The following RAB43 variants were observed in gnomAD, a reference collection of about 807,000 sequenced individuals.
The protein encoded by RAB43 is RAB43, member RAS oncogene family.
In RAB43, 6 loss-of-function variants were observed where a neutral mutation model predicts 18.8. The ratio of observed to expected loss-of-function variants is 0.32; its 90% CI spans 0.17 to 0.63. The LOEUF (loss-of-function observed/expected upper bound fraction) is 0.63. RAB43 is among the 30% of genes least tolerant of loss of function. The probability of loss-of-function intolerance (pLI) is 0.79; values close to 1 mark genes in which losing one functional copy is unlikely to be tolerated. For missense variants in RAB43, 195 were observed against 289.1 expected, an observed-to-expected ratio of 0.67 and a Z score of 2.36; for synonymous variants, 103 against 124.1, an observed-to-expected ratio of 0.83 and a Z score of 1.13.
intron 1 of RAB43, among the ~76,000 whole-genome samples, chr3:129,109,658 C>A (rs897860578): frequency 1.3e-5 from 2 of 149,686 alleles, no homozygotes; most frequent in African/African-American, 4.9e-5. Context: ...AGGAAAAGTG[C>A]TTGAACCTGG....
At chr3:129,094,505 CTTTTTTTTTT>C (rs200896936) in intron 2 of RAB43, among the ~76,000 whole-genome samples, 40 of 69,150 alleles carry the variant, frequency 5.8e-4, no homozygotes, top group African/African-American at 1.5e-3. Context: ...ATATAACTTT[CTTTTTTTTTT>C]TTTTTTTTTT....
chr3:129,098,127 G>C (rs1421261485), intron 1 of RAB43, among the ~76,000 whole-genome samples: 1 of 152,178 alleles, frequency 6.6e-6, no homozygotes, highest in Non-Finnish European at 1.5e-5. Flanking sequence ...AGGAGTGCTA[G>C]GGGATGCTGA....
At chr3:129,094,934 C>T (rs1209372752) in intron 2 of RAB43, 52 bp downstream of exon 2, 34 of 1,574,932 alleles carry the variant, frequency 2.2e-5, no homozygotes, top group Non-Finnish European at 2.9e-5. Flanking sequence ...CAGAGGGAGG[C>T]ATGGACAGGC....
intron 1 of RAB43, among the ~76,000 whole-genome samples, chr3:129,116,481 A>T (rs1935535079): frequency 6.6e-6 from 1 of 152,250 alleles, no homozygotes; most frequent in Non-Finnish European, 1.5e-5. Context: ...TCCAAATAGG[A>T]AAAGAACAGA....
chr3:129,113,630 C>T (rs142389452), intron 1 of RAB43, among the ~76,000 whole-genome samples: 6 of 152,226 alleles, frequency 3.9e-5, no homozygotes, highest in South Asian at 4.1e-4. Flanking sequence ...GGGAGATTTG[C>T]GAGGCAAACT....
chr3:129,111,016 G>C (rs890932937), intron 1 of RAB43, among the ~76,000 whole-genome samples: 4 of 151,892 alleles, frequency 2.6e-5, no homozygotes, highest in Admixed American at 2.6e-4. Flanking sequence ...CAAATGCACA[G>C]CAAACTGGCC....
chr3:129,106,242 A>C (rs918866207), intron 1 of RAB43, among the ~76,000 whole-genome samples: 1 of 152,236 alleles, frequency 6.6e-6, no homozygotes, highest in Non-Finnish European at 1.5e-5. Flanking sequence ...CGAAGCAGGC[A>C]GTGGAAAGTT....
intron 1 of RAB43, among the ~76,000 whole-genome samples, chr3:129,119,852 C>T (rs1576854191): frequency 6.6e-6 from 1 of 152,270 alleles, no homozygotes; most frequent in South Asian, 2.1e-4. Context: ...AGACACAGAC[C>T]GATAGCACAT....
intron 1 of RAB43, among the ~76,000 whole-genome samples, chr3:129,106,714 T>C (rs889767514): frequency 6.6e-6 from 1 of 152,026 alleles, no homozygotes; most frequent in South Asian, 2.1e-4. Context: ...GGGGCACAAA[T>C]TCTCCTCTGC....
chr3:129,104,033 A>G (rs1193024742), intron 1 of RAB43, among the ~76,000 whole-genome samples: 6 of 152,218 alleles, frequency 3.9e-5, no homozygotes, highest in Non-Finnish European at 8.8e-5. Flanking sequence ...GCATCAGGCT[A>G]GTTTTCTGCA....
intron 2 of RAB43, among the ~76,000 whole-genome samples, chr3:129,094,741 T>C (rs1305582680): frequency 6.6e-6 from 1 of 151,906 alleles, no homozygotes; most frequent in Admixed American, 6.6e-5. Context: ...ATGATCTCGA[T>C]CTCCTGACCT....
intron 1 of RAB43, among the ~76,000 whole-genome samples, chr3:129,104,563 A>T (rs2108004856): frequency 6.6e-6 from 1 of 152,292 alleles, no homozygotes; most frequent in Middle Eastern, 3.4e-3. Flanking sequence ...CCCACTCAGC[A>T]AGGGTTGGCA....
rs561546639 is a variant in RAB43 at position 129,111,108 on chromosome 3, T to C, written c.204+10178A>G. ...GTAGGGGACTCCTCGAATTCCTAGG[T>C]GGTCTCCTTTTTTCACTTCACATGC... is the stretch of plus-strand genomic sequence containing the variant. On this transcript the variant is annotated intron_variant, in intron 1 of 2. Transcript: ENST00000315150. Among the ~76,000 whole-genome samples the C allele has an allele frequency of 2.6e-5, 4 of 152,130 alleles. No homozygotes were observed. In the South Asian group the frequency reaches 8.3e-4, roughly 32 times the overall value.
chr3:129,107,872 C>G lies in RAB43; in HGVS notation c.205-12703G>C, dbSNP rs992751840. Among the ~76,000 whole-genome samples, 11 of 152,172 alleles carry G rather than the reference C, an allele frequency of 7.2e-5. No individual in the cohort carries two copies. The highest frequency in any genetic ancestry group is 1.3e-4 in the Non-Finnish European group (9 of 68,020). Reference sequence around the variant, plus strand: ...AGACTGGCCTCACGAGTCCCTCACCCTCACCCTCCAAGCCACTCGGTCACC... The same window carrying G: ...AGACTGGCCTCACGAGTCCCTCACCGTCACCCTCCAAGCCACTCGGTCACC... On this transcript the variant is annotated intron_variant, in intron 1 of 2. Transcript: ENST00000315150. The surrounding 1 kb of genome is among the most constrained non-coding windows in gnomAD (Gnocchi z 4.2).
intron 1 of RAB43, among the ~76,000 whole-genome samples, chr3:129,097,906 G>A (rs1034323099): frequency 6.6e-6 from 1 of 152,092 alleles, no homozygotes; most frequent in Admixed American, 6.6e-5. Context: ...CACTCTACCT[G>A]GGAGTTTCCT....
At chr3:129,116,948 G>A (rs991579764) in intron 1 of RAB43, among the ~76,000 whole-genome samples, 10 of 143,772 alleles carry the variant, frequency 7.0e-5, no homozygotes, top group Non-Finnish European at 1.2e-4. Flanking sequence ...ACTGAGGTGG[G>A]GAGGAGGGAG....
rs1229646153 is a variant in RAB43, at chr3:129,107,435, G to A, written c.205-12266C>T. 6.6e-6 allele frequency among the ~76,000 whole-genome samples: 1 copy of A among 152,038 alleles called. No individual in the cohort carries two copies. Among genetic ancestry groups the A allele is most frequent in the African/African-American group, 2.4e-5 (1 of 41,386 alleles). On this transcript the variant is annotated intron_variant, in intron 1 of 2. Coordinates refer to ENST00000315150, the MANE Select transcript of RAB43 (RefSeq NM_198490.3). The surrounding 1 kb of genome is among the most constrained non-coding windows in gnomAD (Gnocchi z 4.2). ...CTTCCGGGTATTCCTCTTCCTCGCA[G>A]GAAGCTAAGGGCATCCACGACCAGC...
chr3:129,121,548 C>A lies in RAB43; in HGVS notation c.-59G>T. On this transcript the variant is annotated 5_prime_UTR_variant, in exon 1 of 3. Transcript: ENST00000315150. ...ACGCTGGGACCGGCCTGAGCTCACG[C>A]AAGCCGCGGGCCGAGCTCCGCCCGC... is the stretch of plus-strand genomic sequence containing the variant. The A allele has an allele frequency of 1.4e-6, 2 of 1,433,482 alleles. No homozygotes were observed. Among genetic ancestry groups the A allele is most frequent in the Admixed American group, 2.4e-5 (1 of 41,130 alleles). 88.8% of individuals were successfully genotyped at this position (1,433,482 alleles called of 1,614,324 possible).
chr3:129,114,932 G>T (rs577428442), intron 1 of RAB43, among the ~76,000 whole-genome samples: 3 of 152,118 alleles, frequency 2.0e-5, no homozygotes, highest in Non-Finnish European at 4.4e-5. Flanking sequence ...CTTGTTTACG[G>T]TCAGCTGGGC....
Sources: allele counts gnomAD v4.1 joint callset (sites outside exome capture counted in the v4.1 genomes callset), GRCh38; gene constraint gnomAD v4.1.1; non-coding constraint Gnocchi (gnomAD v3.1); transcripts MANE v1.5; gene names NCBI Gene and HGNC (gene_info 2026-07-23, HGNC 2026-07-21).